Variants in GRIA4 observed in about 807,000 individuals in gnomAD.
GRIA4 encodes the protein glutamate receptor 4.
A neutral mutation model predicts 104.0 loss-of-function variants in GRIA4; 34 were observed. The observed-to-expected ratio is 0.33, with a 90% CI of 0.25 to 0.44. GRIA4 has a LOEUF of 0.44. Among genes scored for constraint, GRIA4 ranks in the 20% least tolerant of loss-of-function variants. The pLI, the probability that GRIA4 is intolerant of heterozygous loss-of-function variation, is 1.00. For missense variants in GRIA4, 750 were observed against 1,096.5 expected (o/e 0.68, Z 4.46); for synonymous variants, 386 against 381.9 (o/e 1.01, Z -0.13).
intron 3 of GRIA4, among the ~76,000 whole-genome samples, chr11:105,680,563 C>T (rs1464248521): frequency 1.3e-5 from 2 of 152,170 alleles, no homozygotes; most frequent in Admixed American, 6.5e-5. Context: ...TTATTTGCTA[C>T]GAAGTGAGTT....
Position 105,910,411 on chromosome 11 carries a change from T to C in GRIA4, c.1159-24T>C, listed in dbSNP as rs774627854. 3 of 1,113,204 alleles carry C rather than the reference T, an allele frequency of 2.7e-6. No individual in the cohort carries two copies. In the Admixed American group the frequency reaches 5.1e-5, roughly 19 times the overall value. The allele number at this position is 1,113,204 out of a possible 1,614,324, so 69.0% of individuals were successfully genotyped here. A position where few individuals can be genotyped will look rare whatever the true frequency, so the allele number is the denominator to read the frequency against. Reference sequence around the variant, plus strand: ...GAGTAAATGCTTCTAAAATATGTTTTCAAGCATGTTCTCTATTTGGCAGGT... The same window carrying C: ...GAGTAAATGCTTCTAAAATATGTTTCCAAGCATGTTCTCTATTTGGCAGGT... On this transcript the variant is annotated intron_variant, in intron 9 of 16. Coordinates refer to ENST00000282499, the MANE Select transcript of GRIA4 (RefSeq NM_000829.4).
chr11:105,867,710 A>G (rs1565301626), intron 5 of GRIA4, among the ~76,000 whole-genome samples: 1 of 152,238 alleles, frequency 6.6e-6, no homozygotes, highest in South Asian at 2.1e-4. Flanking sequence ...AAACCCTCAA[A>G]AACAGAAGAG....
intron 3 of GRIA4, among the ~76,000 whole-genome samples, chr11:105,697,565 C>A (rs1953328195): frequency 6.6e-6 from 1 of 152,160 alleles, no homozygotes; most frequent in Admixed American, 6.5e-5. Context: ...CAAACCTTTG[C>A]AGAATGCTGT....
intron 3 of GRIA4, among the ~76,000 whole-genome samples, chr11:105,745,820 A>T (rs887614038): frequency 1.8e-4 from 28 of 152,074 alleles, no homozygotes; most frequent in African/African-American, 6.3e-4. Context: ...GCCTGGTTTT[A>T]ACCTTGTTCT....
At chr11:105,802,972 C>T (rs954302081) in intron 4 of GRIA4, among the ~76,000 whole-genome samples, 12 of 151,754 alleles carry the variant, frequency 7.9e-5, no homozygotes, top group African/African-American at 2.9e-4. Flanking sequence ...TTAGGTATAT[C>T]TTAAATTTAT....
At position 105,901,422 on chromosome 11, in the gene GRIA4, C is replaced by T. The variant is rs143179788; in HGVS notation, c.886-2392C>T. On this transcript the variant is annotated intron_variant, in intron 7 of 16. Coordinates refer to ENST00000282499, the MANE Select transcript of GRIA4 (RefSeq NM_000829.4). ...TCTTAGTAAATAGAAATCATTTCAT[C>T]ATTCTAATCACTTATCAGAGCAGTA... 3.6e-4 allele frequency among the ~76,000 whole-genome samples: 55 copies of T among 152,226 alleles called. 1 individual carries two copies. The East Asian group carries it at 0.01, about 28-fold the overall frequency.
intron 4 of GRIA4, among the ~76,000 whole-genome samples, chr11:105,809,332 TCAAA>T (rs1421632739): frequency 6.6e-6 from 1 of 152,174 alleles, no homozygotes; most frequent in Non-Finnish European, 1.5e-5. Context: ...ATCCATCACC[TCAAA>T]CACTTATCAT....
At chr11:105,869,019 C>T (rs2136043620) in intron 5 of GRIA4, among the ~76,000 whole-genome samples, 1 of 152,198 alleles carries the variant, frequency 6.6e-6, no homozygotes, top group Middle Eastern at 3.4e-3. Flanking sequence ...AAAACAGAAA[C>T]ACCTTTACAG....
At chr11:105,822,543 G>T (rs535529258) in intron 4 of GRIA4, among the ~76,000 whole-genome samples, 1 of 152,040 alleles carries the variant, frequency 6.6e-6, no homozygotes, top group African/African-American at 2.4e-5. Flanking sequence ...GGTGCTCAGG[G>T]AATGCAATGA....
At chr11:105,786,728 G>A (rs1941984656) in intron 4 of GRIA4, among the ~76,000 whole-genome samples, 1 of 152,136 alleles carries the variant, frequency 6.6e-6, no homozygotes, top group Non-Finnish European at 1.5e-5. Context: ...AAGCTTAAAA[G>A]CGATTTTGCT....
At chr11:105,932,817 G>A (rs920752366) in intron 13 of GRIA4, among the ~76,000 whole-genome samples, 1 of 152,154 alleles carries the variant, frequency 6.6e-6, no homozygotes, top group East Asian at 1.9e-4. Context: ...GGGATATTTG[G>A]TTTGTAAGCT....
intron 14 of GRIA4, among the ~76,000 whole-genome samples, chr11:105,962,968 A>G (rs1027064958): frequency 1.3e-5 from 2 of 152,270 alleles, no homozygotes; most frequent in Admixed American, 1.3e-4. Flanking sequence ...ATACTTAATC[A>G]GGGCAAGAAT....
chr11:105,623,053 GTATA>G (rs58596312), intron 3 of GRIA4, among the ~76,000 whole-genome samples: 13,979 of 126,342 alleles, frequency 0.11, 1,007 homozygotes, highest in Non-Finnish European at 0.17. Flanking sequence ...GTATTCCATT[GTATA>G]TATATATATA....
chr11:105,640,402 C>T (rs1012018992), intron 3 of GRIA4, among the ~76,000 whole-genome samples: 1 of 151,588 alleles, frequency 6.6e-6, no homozygotes, highest in Non-Finnish European at 1.5e-5. Context: ...TTATAACAAA[C>T]AAAACAATTA....
At chr11:105,629,550 G>A (rs571665220) in intron 3 of GRIA4, among the ~76,000 whole-genome samples, 1 of 152,184 alleles carries the variant, frequency 6.6e-6, no homozygotes, top group Admixed American at 6.5e-5. Flanking sequence ...ATACTCAAAT[G>A]TTGATAGTGA....
At chr11:105,751,104 C>T (rs1939969518) in intron 3 of GRIA4, among the ~76,000 whole-genome samples, 1 of 152,088 alleles carries the variant, frequency 6.6e-6, no homozygotes, top group African/African-American at 2.4e-5. Flanking sequence ...TGTATAGTTT[C>T]AGCACAAACT....
intron 4 of GRIA4, among the ~76,000 whole-genome samples, chr11:105,818,328 G>A (rs1047296369): frequency 6.6e-5 from 10 of 152,112 alleles, no homozygotes; most frequent in Non-Finnish European, 1.0e-4. Context: ...GGGAAGAGAT[G>A]AATGCTACCT....
At chr11:105,912,531 T>TAA (rs1947285350) in intron 10 of GRIA4, 3 of 268,246 alleles carry the variant, frequency 1.1e-5, no homozygotes, top group Non-Finnish European at 1.7e-5. Context: ...TATATATATA[T>TAA]AAATATATAT....
chr11:105,678,215 T>G (rs1952602760), intron 3 of GRIA4, among the ~76,000 whole-genome samples: 1 of 152,180 alleles, frequency 6.6e-6, no homozygotes, highest in South Asian at 2.1e-4. Context: ...TCACTAATAA[T>G]AAGAAAGTCC....
Sources: gnomAD v4.1 joint callset for allele counts (sites outside exome capture counted in the v4.1 genomes callset) on GRCh38, gnomAD v4.1.1 for gene constraint, MANE v1.5 for transcripts, NCBI Gene and HGNC (gene_info 2026-07-23, HGNC 2026-07-21) for gene names.